Variants in SH3BGRL observed in about 807,000 individuals in gnomAD.
The protein encoded by SH3BGRL is adapter SH3BGRL.
Under a neutral mutation model 9.8 loss-of-function variants are expected in SH3BGRL, and 7 were observed. That is an observed-to-expected ratio of 0.72 (90% confidence interval 0.41 to 1.35). The LOEUF is 1.35. Ranked by LOEUF, SH3BGRL falls within the 40% of genes most tolerant of loss-of-function variation. The pLI is 0.01. For synonymous variants in SH3BGRL, 36 were observed against 29.1 expected, an observed-to-expected ratio of 1.24 and a Z score of -0.76; for missense variants, 73 against 84.4, an observed-to-expected ratio of 0.86 and a Z score of 0.53.
intron 3 of SH3BGRL, among the ~76,000 whole-genome samples, chrX:81,279,473 T>C (rs1321428405): frequency 9.0e-6 from 1 of 110,724 alleles, no homozygotes; most frequent in Non-Finnish European, 1.9e-5. Context: ...AGTGGACTGC[T>C]CATGTAGGAC....
At chrX:81,202,440 T>A in intron 1 of SH3BGRL, 195 bp downstream of exon 1, 6 of 1,013,244 alleles carry the variant, frequency 5.9e-6, no homozygotes, top group Non-Finnish European at 6.2e-6. Flanking sequence ...CACATAGAGT[T>A]CAGCTTTGTT....
At chrX:81,225,614 C>G (rs931292686) in intron 1 of SH3BGRL, among the ~76,000 whole-genome samples, 1 of 111,346 alleles carries the variant, frequency 9.0e-6, no homozygotes, top group Non-Finnish European at 1.9e-5. Flanking sequence ...AAGTAGTATT[C>G]CATGGTGTAT....
intron 1 of SH3BGRL, among the ~76,000 whole-genome samples, chrX:81,253,128 A>G (rs1029887683): frequency 4.5e-5 from 5 of 112,204 alleles, no homozygotes; most frequent in Non-Finnish European, 7.5e-5. Context: ...CAGCTTGTCT[A>G]TACTTTAAAA....
Position 81,297,319 on chromosome X carries a change from C to A in SH3BGRL, c.*92C>A. 1 of 696,950 alleles carries A rather than the reference C, an allele frequency of 1.4e-6. No homozygotes were observed. Among genetic ancestry groups the A allele is most frequent in the Non-Finnish European group, 2.1e-6 (1 of 469,575 alleles). The allele number at this position is 696,950 out of a possible 1,213,427, so 57.4% of individuals were successfully genotyped here. A position where few individuals can be genotyped will look rare whatever the true frequency, so the allele number is the denominator to read the frequency against. The stretch of plus-strand genomic sequence containing the variant: ...TTAGCTTTGCTTCAAAAGAAATAGG[C>A]TTAATGTTGAAATAATAGATTAGTT... On this transcript the variant is annotated 3_prime_UTR_variant, in exon 4 of 4. Transcript: ENST00000373212.
intron 1 of SH3BGRL, among the ~76,000 whole-genome samples, chrX:81,246,376 C>T (rs1229815959): frequency 9.0e-6 from 1 of 111,149 alleles, no homozygotes; most frequent in African/African-American, 3.3e-5. Context: ...GTCATAAATT[C>T]TTTCTCAAGG....
At chrX:81,209,879 T>C (rs957748334) in intron 1 of SH3BGRL, among the ~76,000 whole-genome samples, 2 of 111,789 alleles carry the variant, frequency 1.8e-5, no homozygotes, top group African/African-American at 6.5e-5. Flanking sequence ...TATTTGTCTG[T>C]ACTTTCTTAT....
At chrX:81,257,404 C>T (rs2075728643) in intron 1 of SH3BGRL, among the ~76,000 whole-genome samples, 1 of 111,722 alleles carries the variant, frequency 9.0e-6, no homozygotes, top group Admixed American at 9.6e-5. Flanking sequence ...CTTGAAACAA[C>T]ACACACTTAT....
intron 3 of SH3BGRL, among the ~76,000 whole-genome samples, chrX:81,292,044 G>A (rs1172998209): frequency 9.0e-6 from 1 of 111,278 alleles, no homozygotes; most frequent in African/African-American, 3.3e-5. Flanking sequence ...CAAGCTGTGA[G>A]TGGATCTACC....
intron 1 of SH3BGRL, among the ~76,000 whole-genome samples, chrX:81,256,356 G>A (rs750364487): frequency 8.9e-6 from 1 of 112,049 alleles, no homozygotes; most frequent in East Asian, 2.8e-4. Context: ...TAGCGCTCCA[G>A]AAATATATTG....
At chrX:81,282,529 T>A (rs921878444) in intron 3 of SH3BGRL, among the ~76,000 whole-genome samples, 6 of 111,667 alleles carry the variant, frequency 5.4e-5, no homozygotes, top group Non-Finnish European at 1.1e-4. Flanking sequence ...AAAGGAACCT[T>A]CAAAACCATG....
intron 1 of SH3BGRL, among the ~76,000 whole-genome samples, chrX:81,240,772 A>G (rs919442935): frequency 8.9e-6 from 1 of 112,955 alleles, no homozygotes; most frequent in Non-Finnish European, 1.9e-5. Flanking sequence ...TGGAGGAATC[A>G]CATTACCTGA....
chrX:81,296,089 T>C (rs756043237), intron 3 of SH3BGRL, among the ~76,000 whole-genome samples: 3 of 111,645 alleles, frequency 2.7e-5, no homozygotes, highest in Non-Finnish European at 5.6e-5. Flanking sequence ...GAGCCATGGC[T>C]GAGGAGGCCT....
intron 1 of SH3BGRL, among the ~76,000 whole-genome samples, chrX:81,239,291 G>A (rs2075659987): frequency 9.0e-6 from 1 of 111,646 alleles, no homozygotes; most frequent in Non-Finnish European, 1.9e-5. Context: ...ACACAGAGAA[G>A]GAATTCAGAA....
At chrX:81,277,421 T>C (rs1399464063) in intron 2 of SH3BGRL, among the ~76,000 whole-genome samples, 1 of 112,502 alleles carries the variant, frequency 8.9e-6, no homozygotes, top group Admixed American at 9.4e-5. Context: ...TTGTGGCTTA[T>C]AAGATGACAG....
chrX:81,294,793 G>A (rs1473943396), intron 3 of SH3BGRL, among the ~76,000 whole-genome samples: 2 of 112,101 alleles, frequency 1.8e-5, no homozygotes, highest in African/African-American at 3.2e-5. Context: ...TGGGAGGGAG[G>A]CTGTACCCTG....
At chrX:81,235,242 G>A (rs1440508288) in intron 1 of SH3BGRL, among the ~76,000 whole-genome samples, 2 of 109,543 alleles carry the variant, frequency 1.8e-5, no homozygotes, top group Non-Finnish European at 3.8e-5. Context: ...ATGCTTATGA[G>A]CTTGAGGATT....
chrX:81,223,468 ACT>A (rs918857585), intron 1 of SH3BGRL, among the ~76,000 whole-genome samples: 13 of 110,780 alleles, frequency 1.2e-4, no homozygotes, highest in African/African-American at 4.3e-4. Flanking sequence ...AAAATACTCA[ACT>A]CTGTAGAGAA....
intron 1 of SH3BGRL, among the ~76,000 whole-genome samples, chrX:81,246,778 C>T (rs749470936): frequency 5.0e-4 from 56 of 111,209 alleles, no homozygotes; most frequent in Non-Finnish European, 1.0e-3. Context: ...CTTAGGATTT[C>T]TAGGGCTATT....
intron 1 of SH3BGRL, among the ~76,000 whole-genome samples, chrX:81,226,536 CTA>C (rs777151282): frequency 2.2e-3 from 220 of 99,250 alleles, no homozygotes; most frequent in Non-Finnish European, 3.5e-3. Flanking sequence ...ATCTCTCTCT[CTA>C]TATATATATA....
Sources: gnomAD v4.1 joint callset for allele counts (sites outside exome capture counted in the v4.1 genomes callset) on GRCh38, gnomAD v4.1.1 for gene constraint, MANE v1.5 for transcripts, NCBI Gene and HGNC (gene_info 2026-07-23, HGNC 2026-07-21) for gene names.